The following AGMO variants were observed in gnomAD, a reference collection of about 807,000 sequenced individuals.
The protein encoded by AGMO is glyceryl-ether monooxygenase.
In AGMO, 75 loss-of-function variants were observed where a neutral mutation model predicts 60.2. That is an observed-to-expected ratio of 1.25 (90% CI 1.03 to 1.51). AGMO has a LOEUF of 1.51. Ranked by LOEUF, AGMO falls within the 40% of genes most tolerant of loss-of-function variation. The pLI is 0.00. For missense variants in AGMO, 763 were observed against 525.5 expected, an observed-to-expected ratio of 1.45 and a Z score of -4.42; for synonymous variants, 261 against 177.1, an observed-to-expected ratio of 1.47 and a Z score of -3.76.
rs556475539 is a variant in AGMO, at chr7:15,241,935, T to C, written c.1264-40576A>G. Among the ~76,000 whole-genome samples the C allele has an allele frequency of 9.1e-4, 138 of 152,272 alleles. 1 individual carries two copies. Among genetic ancestry groups the C allele is most frequent in the African/African-American group, 3.2e-3 (132 of 41,526 alleles). ...TACGACTGAGTTTCCTGTTGCTGGCTGTTAGCTTCTACAGGATGCCCACAT... is the reference window on the plus strand; with the variant it reads ...TACGACTGAGTTTCCTGTTGCTGGCCGTTAGCTTCTACAGGATGCCCACAT... On this transcript the variant is annotated intron_variant, in intron 12 of 12. Coordinates refer to ENST00000342526, the MANE Select transcript of AGMO (RefSeq NM_001004320.2).
intron 12 of AGMO, among the ~76,000 whole-genome samples, chr7:15,288,864 A>AAAATAT (rs1784178194): frequency 6.7e-6 from 1 of 149,344 alleles, no homozygotes; most frequent in East Asian, 2.0e-4. Context: ...AAAAAAAAAA[A>AAAATAT]ATATATATAC....
intron 12 of AGMO, among the ~76,000 whole-genome samples, chr7:15,353,309 G>A (rs1051313362): frequency 2.6e-5 from 4 of 152,166 alleles, no homozygotes; most frequent in Non-Finnish European, 2.9e-5. Context: ...CCTTGGTGAA[G>A]AACAAGCCAT....
At chr7:15,153,160 C>A in the AGMO span, among the ~76,000 whole-genome samples, 5 of 147,126 alleles carry the variant, frequency 3.4e-5, no homozygotes, top group African/African-American at 1.3e-4. Context: ...TATTCATATC[C>A]TTAGCTTGGT....
chr7:15,316,939 A>G (rs1000431676), intron 12 of AGMO, among the ~76,000 whole-genome samples: 2 of 152,186 alleles, frequency 1.3e-5, no homozygotes, highest in African/African-American at 2.4e-5. Context: ...GTCTTCACAG[A>G]AAGAGAATAT....
chr7:15,431,212 A>G (rs1373176326), intron 3 of AGMO, 104 bp from the exon 4 acceptor site: 1 of 754,232 alleles, frequency 1.3e-6, no homozygotes, highest in African/African-American at 1.8e-5. Flanking sequence ...AAAATCTGGA[A>G]CATCTCTGTA....
At chr7:15,128,884 C>T in the AGMO span, among the ~76,000 whole-genome samples, 1 of 152,006 alleles carries the variant, frequency 6.6e-6, no homozygotes, top group African/African-American at 2.4e-5. Context: ...TGTCACTTTG[C>T]TATAGCTAGG....
intron 3 of AGMO, among the ~76,000 whole-genome samples, chr7:15,479,842 G>A (rs148898757): frequency 1.3e-5 from 2 of 152,208 alleles, no homozygotes; most frequent in Admixed American, 1.3e-4. Flanking sequence ...AAGATAGGTA[G>A]GAGTGGTGAT....
the AGMO span, among the ~76,000 whole-genome samples, chr7:15,155,300 AT>A: frequency 1.3e-5 from 2 of 150,540 alleles, no homozygotes; most frequent in Admixed American, 6.6e-5. Context: ...GCATTAAAAA[AT>A]TTTTTTCTTT....
intron 12 of AGMO, among the ~76,000 whole-genome samples, chr7:15,340,742 C>G (rs1397404296): frequency 6.6e-6 from 1 of 152,188 alleles, no homozygotes; most frequent in Non-Finnish European, 1.5e-5. Flanking sequence ...CCTGGTTGTC[C>G]AGGCAGAGGT....
At chr7:15,222,170 A>G (rs957771038) in intron 12 of AGMO, among the ~76,000 whole-genome samples, 1 of 152,144 alleles carries the variant, frequency 6.6e-6, no homozygotes, top group African/African-American at 2.4e-5. Flanking sequence ...TTTGGGAAGA[A>G]GAGTTAATAT....
chr7:15,520,321 G>T (rs1186095289), intron 3 of AGMO, among the ~76,000 whole-genome samples: 2 of 152,068 alleles, frequency 1.3e-5, no homozygotes, highest in African/African-American at 4.8e-5. Flanking sequence ...TATTCAGGTT[G>T]TGAACTCAGC....
At chr7:15,396,903 C>A (rs917400776) in intron 5 of AGMO, among the ~76,000 whole-genome samples, 1 of 152,176 alleles carries the variant, frequency 6.6e-6, no homozygotes, top group Non-Finnish European at 1.5e-5. Flanking sequence ...AATCCTTTAG[C>A]TAGACAGAAA....
intron 12 of AGMO, among the ~76,000 whole-genome samples, chr7:15,224,293 A>C (rs1171789198): frequency 6.6e-6 from 1 of 152,038 alleles, no homozygotes; most frequent in Non-Finnish European, 1.5e-5. Context: ...ACAAATACAG[A>C]TGTTGAAATC....
chr7:15,151,853 A>G, the AGMO span, among the ~76,000 whole-genome samples: 4 of 152,150 alleles, frequency 2.6e-5, no homozygotes, highest in South Asian at 2.1e-4. Context: ...GGTCCCTAAC[A>G]TATCTGTTAG....
intron 12 of AGMO, among the ~76,000 whole-genome samples, chr7:15,205,915 A>G (rs193215606): frequency 2.2e-4 from 33 of 152,278 alleles, no homozygotes; most frequent in Admixed American, 1.9e-3. Context: ...TAACTATTTA[A>G]TAGAACTAAA....
At chr7:15,224,100 G>A (rs1056280289) in intron 12 of AGMO, among the ~76,000 whole-genome samples, 4 of 151,902 alleles carry the variant, frequency 2.6e-5, no homozygotes, top group Admixed American at 2.0e-4. Context: ...AGAAGTCAGA[G>A]AGCATCTCCT....
chr7:15,247,470 A>AGAGAGG lies in AGMO; in HGVS notation c.1264-46112_1264-46111insCCTCTC, dbSNP rs1554401095. Among the ~76,000 whole-genome samples, 401 of 149,956 alleles carry AGAGAGG rather than the reference A, an allele frequency of 2.7e-3. 1 individual carries two copies. Among genetic ancestry groups the AGAGAGG allele is most frequent in the African/African-American group, 9.2e-3 (369 of 40,320 alleles). On this transcript the variant is annotated intron_variant, in intron 12 of 12. Transcript: ENST00000342526. ...CACACACACACACACAGAGAGAGAGAGAGAGAGAGGGAGAGAGAGGGAGAG... is the reference window on the plus strand; with the variant it reads ...CACACACACACACACAGAGAGAGAGAGAGAGGGAGAGAGAGGGAGAGAGAGGGAGAG...
downstream of AGMO, among the ~76,000 whole-genome samples, chr7:15,196,711 CTG>C (rs531033186): frequency 1.3e-3 from 205 of 152,294 alleles, no homozygotes; most frequent in Non-Finnish European, 1.4e-3. Flanking sequence ...AAAGCAAAGA[CTG>C]TGTCTTCCTG....
At chr7:15,260,663 T>C (rs1391294391) in intron 12 of AGMO, among the ~76,000 whole-genome samples, 5 of 151,984 alleles carry the variant, frequency 3.3e-5, no homozygotes, top group Non-Finnish European at 5.9e-5. Flanking sequence ...CTACAACAAA[T>C]GGACTTGAGA....
Sources: gnomAD v4.1 joint callset for allele counts (sites outside exome capture counted in the v4.1 genomes callset) on GRCh38, gnomAD v4.1.1 for gene constraint, MANE v1.5 for transcripts, NCBI Gene and HGNC (gene_info 2026-07-23, HGNC 2026-07-21) for gene names.